Variants in CEP128 observed in about 807,000 individuals in gnomAD.
The protein encoded by CEP128 is centrosomal protein 128kDa.
Under a neutral mutation model 156.7 loss-of-function variants are expected in CEP128, and 132 were observed. That is an observed-to-expected ratio of 0.84 (90% CI 0.73 to 0.97). The LOEUF (loss-of-function observed/expected upper bound fraction) is 0.97, where lower values mean the gene tolerates loss of function less well. Among genes scored for constraint, CEP128 ranks in the 50% least tolerant of loss-of-function variants. The probability of loss-of-function intolerance (pLI) is 0.00; values close to 1 mark genes in which losing one functional copy is unlikely to be tolerated. For synonymous variants in CEP128, 469 were observed against 448.9 expected, an observed-to-expected ratio of 1.04 and a Z score of -0.57; for missense variants, 1,252 against 1,281.9, an observed-to-expected ratio of 0.98 and a Z score of 0.36.
At chr14:80,607,284 T>C (rs1892821902) in intron 19 of CEP128, among the ~76,000 whole-genome samples, 1 of 151,888 alleles carries the variant, frequency 6.6e-6, no homozygotes, top group African/African-American at 2.4e-5. Context: ...AGCTACATAA[T>C]AAATATGACC....
Position 80,536,047 on chromosome 14 carries a change from A to C in CEP128, c.2881-5161T>G, listed in dbSNP as rs754650518. Among the ~76,000 whole-genome samples the C allele has an allele frequency of 3.3e-5, 5 of 152,312 alleles. No individual in the cohort carries two copies. In the South Asian group the frequency reaches 6.2e-4, roughly 19 times the overall value. On this transcript the variant is annotated intron_variant, in intron 21 of 24. Transcript: ENST00000555265. ...TTTTGCCATTCTGAAATCTGCAACA[A>C]CACCAAACTCCTATGAAGTTCAGCT...
intron 18 of CEP128, among the ~76,000 whole-genome samples, chr14:80,753,432 A>G (rs1595348810): frequency 6.6e-6 from 1 of 152,250 alleles, no homozygotes; most frequent in Non-Finnish European, 1.5e-5. Context: ...TATGAACAAC[A>G]GTGCACTCAG....
intron 22 of CEP128, among the ~76,000 whole-genome samples, chr14:80,527,789 A>G (rs962771407): frequency 6.6e-6 from 1 of 152,224 alleles, no homozygotes; most frequent in Non-Finnish European, 1.5e-5. Context: ...TTTAAACTGG[A>G]GGATAGCTCC....
intron 19 of CEP128, among the ~76,000 whole-genome samples, chr14:80,645,562 A>G (rs1034898107): frequency 6.6e-5 from 10 of 152,134 alleles, no homozygotes; most frequent in African/African-American, 2.4e-4. Context: ...AGCAAAAATC[A>G]TGGCACCAAA....
chr14:80,691,600 T>C (rs1031893590), intron 19 of CEP128, among the ~76,000 whole-genome samples: 2 of 152,096 alleles, frequency 1.3e-5, no homozygotes, highest in African/African-American at 4.8e-5. Context: ...ATTTATAAAA[T>C]TTCAGCTTTA....
At chr14:80,587,183 CTACATT>C (rs1891855072) in intron 19 of CEP128, among the ~76,000 whole-genome samples, 1 of 152,064 alleles carries the variant, frequency 6.6e-6, no homozygotes, top group South Asian at 2.1e-4. Context: ...TTATAAGTAG[CTACATT>C]ATTTAGAACT....
intron 8 of CEP128, among the ~76,000 whole-genome samples, chr14:80,883,620 T>C (rs1595543457): frequency 6.6e-6 from 1 of 152,306 alleles, no homozygotes. Context: ...AGATATTCTA[T>C]GTTAATAGAC....
At chr14:80,598,312 C>T (rs1595067323) in intron 19 of CEP128, among the ~76,000 whole-genome samples, 1 of 152,024 alleles carries the variant, frequency 6.6e-6, no homozygotes, top group Non-Finnish European at 1.5e-5. Context: ...TATTTCTATA[C>T]ATTAGGAGTG....
intron 19 of CEP128, among the ~76,000 whole-genome samples, chr14:80,722,791 T>C (rs1484090596): frequency 6.6e-6 from 1 of 151,300 alleles, no homozygotes; most frequent in Non-Finnish European, 1.5e-5. Flanking sequence ...GACAGCATTC[T>C]GTCATCTGGT....
At chr14:80,675,165 GTAGA>G (rs1461124626) in intron 19 of CEP128, among the ~76,000 whole-genome samples, 3 of 151,924 alleles carry the variant, frequency 2.0e-5, no homozygotes, top group African/African-American at 7.2e-5. Context: ...ATATACAAAA[GTAGA>G]CAATATAATA....
chr14:80,620,297 C>T (rs1015599362), intron 19 of CEP128, among the ~76,000 whole-genome samples: 4 of 151,832 alleles, frequency 2.6e-5, no homozygotes, highest in Admixed American at 2.0e-4. Flanking sequence ...TTTTAGTGGT[C>T]GACTAAGGAG....
Position 80,681,335 on chromosome 14 carries a change from C to T in CEP128, c.2806+61740G>A, listed in dbSNP as rs369734345. On this transcript the variant is annotated intron_variant, in intron 19 of 24. Transcript: ENST00000555265. ...GAAAGAACCAGTGAAGGAATACTGG[C>T]ACCACGAAAAATCTGAATGTAGCGA... Among the ~76,000 whole-genome samples the T allele has an allele frequency of 1.2e-4, 18 of 152,278 alleles. No homozygotes were observed. In the East Asian group the frequency reaches 2.7e-3, roughly 23 times the overall value.
chr14:80,640,696 C>T (rs1894369658), intron 19 of CEP128, among the ~76,000 whole-genome samples: 1 of 151,916 alleles, frequency 6.6e-6, no homozygotes, highest in South Asian at 2.1e-4. Context: ...CTCTAAACAA[C>T]AACAAATATG....
At chr14:80,484,963 T>G (rs1255766550) in intron 14 of CEP128, among the ~76,000 whole-genome samples, 6 of 152,100 alleles carry the variant, frequency 3.9e-5, no homozygotes, top group Non-Finnish European at 5.9e-5. Flanking sequence ...ACCTCAATTG[T>G]GGGCATTGGT....
chr14:80,815,449 T>C (rs1361341009), intron 13 of CEP128, among the ~76,000 whole-genome samples: 2 of 152,168 alleles, frequency 1.3e-5, no homozygotes, highest in Non-Finnish European at 2.9e-5. Flanking sequence ...GAAAAGGCAA[T>C]GCTGGTACAC....
At chr14:80,946,720 T>G (rs1886353094), upstream of CEP128, among the ~76,000 whole-genome samples, 1 of 152,034 alleles carries the variant, frequency 6.6e-6, no homozygotes, top group Non-Finnish European at 1.5e-5. Flanking sequence ...GTAGTGCCGT[T>G]TCAAGGAGAA....
intron 19 of CEP128, among the ~76,000 whole-genome samples, chr14:80,688,332 C>A (rs1032558632): frequency 6.6e-6 from 1 of 152,118 alleles, no homozygotes; most frequent in Non-Finnish European, 1.5e-5. Flanking sequence ...TCCATACCAA[C>A]CTTAACGCTC....
intron 19 of CEP128, among the ~76,000 whole-genome samples, chr14:80,603,152 A>G (rs981271751): frequency 3.9e-5 from 6 of 152,208 alleles, no homozygotes; most frequent in Non-Finnish European, 7.3e-5. Context: ...CAAATGAGAC[A>G]ATGGCCTTTC....
chr14:80,646,643 A>T (rs1417954341), intron 19 of CEP128, among the ~76,000 whole-genome samples: 1 of 152,140 alleles, frequency 6.6e-6, no homozygotes, highest in African/African-American at 2.4e-5. Context: ...TCAATACTAC[A>T]TACAATACAT....
Sources: allele counts gnomAD v4.1 joint callset (sites outside exome capture counted in the v4.1 genomes callset), GRCh38; gene constraint gnomAD v4.1.1; transcripts MANE v1.5; gene names NCBI Gene and HGNC (gene_info 2026-07-23, HGNC 2026-07-21).